ACTMAP: variants seen among roughly 807,000 people sequenced by gnomAD.
ACTMAP encodes UPF0692 protein C19orf54.
chr19:40,750,158 T>C, the ACTMAP span: 1 of 190,212 alleles, frequency 5.3e-6, no homozygotes, highest in Non-Finnish European at 1.1e-5. Context: ...GTTTGGGATA[T>C]GAAGGCTCAG....
At chr19:40,741,493 CAGTT>C in the ACTMAP span, 4 of 308,454 alleles carry the variant, frequency 1.3e-5, no homozygotes, top group East Asian at 8.3e-5. Flanking sequence ...GAGATGGGCT[CAGTT>C]AGGGACAGAG....
chr19:40,744,581 C>G, the ACTMAP span: 56 of 1,613,706 alleles, frequency 3.5e-5, no homozygotes, highest in Admixed American at 6.0e-4. Context: ...CTCCCTGGGC[C>G]GTGTAGCCTC....
chr19:40,746,991 G>A, the ACTMAP span, among the ~76,000 whole-genome samples: 4 of 151,922 alleles, frequency 2.6e-5, no homozygotes, highest in Admixed American at 2.0e-4. Context: ...ATTTTTGGTA[G>A]AGACAGGGTT....
the ACTMAP span, among the ~76,000 whole-genome samples, chr19:40,749,138 A>G: frequency 6.6e-6 from 1 of 151,728 alleles, no homozygotes; most frequent in Admixed American, 6.6e-5. Flanking sequence ...CTACAGTTGC[A>G]TGCCACCACA....
At chr19:40,747,967 G>C in the ACTMAP span, among the ~76,000 whole-genome samples, 2 of 152,134 alleles carry the variant, frequency 1.3e-5, no homozygotes, top group African/African-American at 4.8e-5. Context: ...ATAGCTAAGG[G>C]GCTTCACTTC....
chr19:40,745,174 G>A, the ACTMAP span: 7 of 1,551,816 alleles, frequency 4.5e-6, no homozygotes, highest in Non-Finnish European at 6.1e-6. Flanking sequence ...CACAGAAGAG[G>A]ATCCACCGCA....
the ACTMAP span, chr19:40,744,167 C>T: frequency 1.9e-6 from 3 of 1,599,990 alleles, no homozygotes; most frequent in African/African-American, 1.3e-5. Flanking sequence ...CAGCCCAGCA[C>T]CTCCTGGGCC....
chr19:40,742,140 G>A, the ACTMAP span: 2 of 597,316 alleles, frequency 3.3e-6, no homozygotes, highest in African/African-American at 3.6e-5. Context: ...GAAGCAGAGG[G>A]CCCAGGCAGG....
At chr19:40,748,482 C>T in the ACTMAP span, among the ~76,000 whole-genome samples, 1 of 152,150 alleles carries the variant, frequency 6.6e-6, no homozygotes, top group Non-Finnish European at 1.5e-5. Context: ...AGCCTCAGGG[C>T]CCCAGCCTAG....
chr19:40,744,432 A>C, the ACTMAP span: 1 of 1,477,312 alleles, frequency 6.8e-7, no homozygotes, highest in African/African-American at 1.4e-5. Context: ...TCTCTGCTCT[A>C]CTGGGCAGTG....
At chr19:40,743,014 T>C in the ACTMAP span, among the ~76,000 whole-genome samples, 1 of 151,920 alleles carries the variant, frequency 6.6e-6, no homozygotes, top group Non-Finnish European at 1.5e-5. Context: ...GGAGGCAGCA[T>C]GAGATGAAGC....
At chr19:40,749,425 A>G in the ACTMAP span, 7 of 1,285,500 alleles carry the variant, frequency 5.4e-6, no homozygotes, top group South Asian at 1.3e-5. Flanking sequence ...ACCCCAAGAG[A>G]TCTGTGAAGT....
At chr19:40,743,494 A>G in the ACTMAP span, among the ~76,000 whole-genome samples, 1 of 152,182 alleles carries the variant, frequency 6.6e-6, no homozygotes, top group East Asian at 1.9e-4. Context: ...TGGCCTCCCG[A>G]AGTGCTGGGA....
chr19:40,742,107 A>C, the ACTMAP span: 1 of 549,208 alleles, frequency 1.8e-6, no homozygotes, highest in Non-Finnish European at 3.5e-6. Flanking sequence ...AGGCTGACGC[A>C]GTTCAGTGTC....
the ACTMAP span, chr19:40,740,899 G>A: frequency 1.3e-5 from 5 of 398,306 alleles, no homozygotes; most frequent in African/African-American, 1.0e-4. Context: ...GAGTGTATTT[G>A]GACACGTGGG....
the ACTMAP span, chr19:40,741,977 G>C: frequency 2.3e-6 from 1 of 442,810 alleles, no homozygotes; most frequent in Non-Finnish European, 4.6e-6. Context: ...CCGCAGCAGA[G>C]GGCTGGGGGT....
the ACTMAP span, chr19:40,745,328 G>T: frequency 1.2e-6 from 1 of 868,724 alleles, no homozygotes; most frequent in Non-Finnish European, 1.8e-6. Context: ...AAGGCTGAAG[G>T]CGGCTCCTGG....
chr19:40,746,041 T>C, the ACTMAP span, among the ~76,000 whole-genome samples: 4 of 152,246 alleles, frequency 2.6e-5, no homozygotes, highest in Non-Finnish European at 5.9e-5. Flanking sequence ...TGATTTGTTT[T>C]TCGCTTCAAG....
the ACTMAP span, chr19:40,742,353 C>T: frequency 8.7e-5 from 117 of 1,349,910 alleles, 1 homozygote; most frequent in South Asian, 7.1e-4. Context: ...TCAATCTTGT[C>T]GCCATCACAC....
Sources: allele counts gnomAD v4.1 joint callset (sites outside exome capture counted in the v4.1 genomes callset), GRCh38; gene constraint gnomAD v4.1.1; transcripts MANE v1.5; gene names NCBI Gene and HGNC (gene_info 2026-07-23, HGNC 2026-07-21).